Variants in LRRTM4 observed in about 807,000 individuals in gnomAD.
The protein encoded by LRRTM4 is leucine-rich repeat transmembrane neuronal protein 4.
In LRRTM4, 25 loss-of-function variants were observed where a neutral mutation model predicts 47.6. The ratio of observed to expected loss-of-function variants is 0.53; its 90% confidence interval spans 0.38 to 0.73. The LOEUF is 0.73. Ranked by LOEUF, LRRTM4 falls within the 30% of genes least tolerant of loss-of-function variation. The pLI, the probability that LRRTM4 is intolerant of heterozygous loss-of-function variation, is 0.00. For missense variants in LRRTM4, 638 were observed against 713.4 expected (o/e 0.89, Z 1.20); for synonymous variants, 311 against 269.5 (o/e 1.15, Z -1.51).
At chr2:76,764,261 G>GA (rs923321698) in intron 3 of LRRTM4, among the ~76,000 whole-genome samples, 1 of 151,860 alleles carries the variant, frequency 6.6e-6, no homozygotes, top group Non-Finnish European at 1.5e-5. Context: ...TTGCAAAAAA[G>GA]AAAAAAAGAG....
chr2:76,951,527 C>T (rs557484934), intron 3 of LRRTM4, among the ~76,000 whole-genome samples: 141 of 151,958 alleles, frequency 9.3e-4, no homozygotes, highest in Middle Eastern at 3.4e-3. Flanking sequence ...ATTTACCTAG[C>T]CTTTATTGTC....
chr2:77,115,172 T>C (rs976966259), intron 3 of LRRTM4, among the ~76,000 whole-genome samples: 1 of 152,176 alleles, frequency 6.6e-6, no homozygotes, highest in Non-Finnish European at 1.5e-5. Context: ...AATTCAGTGA[T>C]ATTTCTCCTA....
intron 3 of LRRTM4, among the ~76,000 whole-genome samples, chr2:77,074,625 CTG>C (rs1680272851): frequency 6.6e-6 from 1 of 152,022 alleles, no homozygotes; most frequent in South Asian, 2.1e-4. Flanking sequence ...TTTTTTATCA[CTG>C]TGAATTATAG....
intron 3 of LRRTM4, among the ~76,000 whole-genome samples, chr2:77,271,331 G>A (rs1290287089): frequency 6.6e-6 from 1 of 152,156 alleles, no homozygotes; most frequent in Non-Finnish European, 1.5e-5. Context: ...CCATCTATCG[G>A]ACTGCAGAAG....
At chr2:77,332,009 C>T (rs930955082) in intron 3 of LRRTM4, among the ~76,000 whole-genome samples, 1 of 152,006 alleles carries the variant, frequency 6.6e-6, no homozygotes, top group African/African-American at 2.4e-5. Flanking sequence ...AATTTTTTAT[C>T]AAGGCAAAGT....
intron 3 of LRRTM4, among the ~76,000 whole-genome samples, chr2:77,500,135 A>G (rs1362074179): frequency 6.6e-6 from 1 of 151,722 alleles, no homozygotes; most frequent in Non-Finnish European, 1.5e-5. Context: ...TATCAGTTGT[A>G]AACACTCTTC....
intron 3 of LRRTM4, among the ~76,000 whole-genome samples, chr2:77,129,264 T>C (rs1671732583): frequency 6.6e-6 from 1 of 152,238 alleles, no homozygotes; most frequent in Non-Finnish European, 1.5e-5. Context: ...TGAAAGTGAC[T>C]ATTAGCAACC....
At chr2:77,441,507 A>T (rs573621813) in intron 3 of LRRTM4, among the ~76,000 whole-genome samples, 32 of 152,238 alleles carry the variant, frequency 2.1e-4, no homozygotes, top group African/African-American at 7.2e-4. Flanking sequence ...TCTTTTACTG[A>T]TTATTTCATT....
intron 3 of LRRTM4, among the ~76,000 whole-genome samples, chr2:76,879,363 C>T (rs1198240153): frequency 1.3e-5 from 2 of 152,152 alleles, no homozygotes; most frequent in Non-Finnish European, 2.9e-5. Context: ...ATTTACCATT[C>T]CTAAAATTTT....
At chr2:77,104,464 A>G (rs1180044254) in intron 3 of LRRTM4, among the ~76,000 whole-genome samples, 1 of 152,234 alleles carries the variant, frequency 6.6e-6, no homozygotes, top group East Asian at 1.9e-4. Context: ...CAGTGGTGAT[A>G]TAGATTTTAA....
chr2:76,821,120 TGAGCAG>T (rs1329901976), intron 3 of LRRTM4, among the ~76,000 whole-genome samples: 8 of 151,708 alleles, frequency 5.3e-5, no homozygotes, highest in Non-Finnish European at 1.0e-4. Flanking sequence ...AGAGTGCTTT[TGAGCAG>T]TCTGTGACCA....
At chr2:77,419,082 T>C (rs1674761928) in intron 3 of LRRTM4, among the ~76,000 whole-genome samples, 1 of 152,212 alleles carries the variant, frequency 6.6e-6, no homozygotes, top group Non-Finnish European at 1.5e-5. Context: ...CTTAGAATAG[T>C]ACACAATATA....
At chr2:77,332,382 T>C (rs1253175265) in intron 3 of LRRTM4, among the ~76,000 whole-genome samples, 1 of 152,188 alleles carries the variant, frequency 6.6e-6, no homozygotes, top group East Asian at 1.9e-4. Context: ...ATAGTCTCAA[T>C]TATTCATACA....
At chr2:77,336,691 A>G (rs1671180476) in intron 3 of LRRTM4, among the ~76,000 whole-genome samples, 1 of 152,134 alleles carries the variant, frequency 6.6e-6, no homozygotes, top group South Asian at 2.1e-4. Context: ...ACCCTCAACA[A>G]ACCTGGCTTT....
intron 3 of LRRTM4, among the ~76,000 whole-genome samples, chr2:77,300,320 T>C (rs769171328): frequency 2.6e-5 from 4 of 152,208 alleles, no homozygotes; most frequent in Non-Finnish European, 5.9e-5. Flanking sequence ...TAATCTTTAA[T>C]GCTACTATCT....
intron 3 of LRRTM4, among the ~76,000 whole-genome samples, chr2:76,768,596 T>C (rs1013889213): frequency 6.6e-6 from 1 of 152,082 alleles, no homozygotes; most frequent in Non-Finnish European, 1.5e-5. Flanking sequence ...ATGTCCTAAA[T>C]TTATATATGG....
At chr2:77,445,683 T>TA (rs1322684472) in intron 3 of LRRTM4, among the ~76,000 whole-genome samples, 28 of 152,176 alleles carry the variant, frequency 1.8e-4, no homozygotes, top group African/African-American at 6.7e-4. Flanking sequence ...TTGTCACAGT[T>TA]ACAATACATT....
intron 3 of LRRTM4, among the ~76,000 whole-genome samples, chr2:76,773,555 T>C (rs1425405972): frequency 6.6e-6 from 1 of 151,930 alleles, no homozygotes; most frequent in African/African-American, 2.4e-5. Flanking sequence ...ATTCTAGAAG[T>C]TGAATTTAAA....
At chr2:77,235,306 T>G (rs553012701) in intron 3 of LRRTM4, among the ~76,000 whole-genome samples, 62 of 152,318 alleles carry the variant, frequency 4.1e-4, no homozygotes, top group African/African-American at 1.3e-3. Flanking sequence ...CATTTTTTCA[T>G]GTTTGTTGGC....
Sources: allele counts gnomAD v4.1 joint callset (sites outside exome capture counted in the v4.1 genomes callset), GRCh38; gene constraint gnomAD v4.1.1; transcripts MANE v1.5; gene names NCBI Gene and HGNC (gene_info 2026-07-23, HGNC 2026-07-21).